Variants in CNTLN observed in about 807,000 individuals in gnomAD.
CNTLN encodes centlein.
CNTLN carries 212 observed loss-of-function variants against 180.0 expected under a neutral mutation model. That is an observed-to-expected ratio of 1.18 (90% CI 1.05 to 1.32). CNTLN has a LOEUF of 1.32. CNTLN is among the 40% of genes most tolerant of loss of function. The probability of loss-of-function intolerance (pLI) is 0.00; values close to 1 mark genes in which losing one functional copy is unlikely to be tolerated. For synonymous variants in CNTLN, 722 were observed against 563.1 expected, an observed-to-expected ratio of 1.28 and a Z score of -3.99; for missense variants, 2,095 against 1,610.9, an observed-to-expected ratio of 1.30 and a Z score of -5.14.
At chr9:17,507,427 T>G (rs894963120), downstream of CNTLN, among the ~76,000 whole-genome samples, 2 of 152,190 alleles carry the variant, frequency 1.3e-5, no homozygotes, top group African/African-American at 4.8e-5. Context: ...ATATCCTTGC[T>G]ATTGTGAAGA....
intron 2 of CNTLN, among the ~76,000 whole-genome samples, chr9:17,162,489 T>C (rs1819753346): frequency 6.6e-6 from 1 of 152,216 alleles, no homozygotes. Flanking sequence ...TTGCCTTAAG[T>C]TCCTATACTT....
At chr9:17,291,159 T>C (rs1021388767) in intron 6 of CNTLN, among the ~76,000 whole-genome samples, 11 of 152,222 alleles carry the variant, frequency 7.2e-5, no homozygotes, top group Non-Finnish European at 1.3e-4. Flanking sequence ...TGCGCTGTTT[T>C]CTGAGAGACT....
At chr9:17,299,724 A>G in intron 7 of CNTLN, 1 of 984,742 alleles carries the variant, frequency 1.0e-6, no homozygotes, top group Non-Finnish European at 1.2e-6. Flanking sequence ...TGCTAAAATG[A>G]TTTGAAACAC....
chr9:17,349,473 C>T (rs1174922824), intron 12 of CNTLN, among the ~76,000 whole-genome samples: 1 of 152,022 alleles, frequency 6.6e-6, no homozygotes, highest in Non-Finnish European at 1.5e-5. Flanking sequence ...ACTTCCAAAT[C>T]GAATTTTAAA....
chr9:17,461,076 C>T (rs919958621), intron 19 of CNTLN, among the ~76,000 whole-genome samples: 3 of 151,266 alleles, frequency 2.0e-5, no homozygotes, highest in East Asian at 3.9e-4. Flanking sequence ...GATAAGTAGA[C>T]GTTTATATCA....
At chr9:17,279,542 T>G (rs1393999876) in intron 6 of CNTLN, among the ~76,000 whole-genome samples, 1 of 152,170 alleles carries the variant, frequency 6.6e-6, no homozygotes, top group African/African-American at 2.4e-5. Context: ...CACTATAGTC[T>G]GATGCTCCAG....
At chr9:17,192,400 G>A (rs1055586976) in intron 2 of CNTLN, among the ~76,000 whole-genome samples, 6 of 151,740 alleles carry the variant, frequency 4.0e-5, no homozygotes, top group South Asian at 2.1e-4. Flanking sequence ...CACCGTGCCC[G>A]GCTAATTTTT....
At chr9:17,277,935 G>T (rs760594939) in intron 6 of CNTLN, among the ~76,000 whole-genome samples, 6 of 152,110 alleles carry the variant, frequency 3.9e-5, no homozygotes, top group Non-Finnish European at 8.8e-5. Flanking sequence ...ATAGATATTA[G>T]ATTCAGAAAA....
chr9:17,484,373 A>G lies in CNTLN; in HGVS notation c.3934A>G (p.Arg1312Gly). ...IRELKKMKKNRDACKTSTHKA... is the reference protein window; with the variant it reads ...IRELKKMKKNGDACKTSTHKA... ...AGAGCTTAAAAAAATGAAGAAAAAC[A>G]GGGACGCCTGTAAAACCTCAACCCA... Residue 1312 changes from arginine (R) to glycine (G), a missense_variant, in exon 24 of 26, where the codon AGG becomes GGG. By Grantham distance (125) the Arg-to-Gly change is moderately radical. Transcript: ENST00000380647. The G allele has an allele frequency of 6.2e-7, 1 of 1,612,648 alleles. No individual in the cohort carries two copies. Among genetic ancestry groups the G allele is most frequent in the South Asian group, 1.1e-5 (1 of 90,904 alleles).
chr9:17,159,344 C>A (rs1157025532), intron 2 of CNTLN, among the ~76,000 whole-genome samples: 1 of 152,128 alleles, frequency 6.6e-6, no homozygotes, highest in Admixed American at 6.5e-5. Context: ...CTGAGTCAGG[C>A]CTCTGGAGCT....
intron 18 of CNTLN, among the ~76,000 whole-genome samples, chr9:17,444,741 T>C (rs527813879): frequency 1.3e-5 from 2 of 152,312 alleles, no homozygotes; most frequent in African/African-American, 4.8e-5. Context: ...ACTTTATTTA[T>C]TGAGTGACCT....
chr9:17,180,477 T>C (rs1821057482), intron 2 of CNTLN, among the ~76,000 whole-genome samples: 1 of 151,340 alleles, frequency 6.6e-6, no homozygotes, highest in South Asian at 2.1e-4. Context: ...TTCTTTCCCC[T>C]ATATAATATA....
chr9:17,466,575 C>A (rs372753189), intron 22 of CNTLN, 131 bp from the exon 23 acceptor site: 2 of 677,894 alleles, frequency 3.0e-6, no homozygotes, highest in African/African-American at 1.9e-5. Flanking sequence ...TGAAAATAAT[C>A]ATTAATTTTA....
intron 18 of CNTLN, among the ~76,000 whole-genome samples, chr9:17,432,561 G>A (rs1330014321): frequency 2.0e-5 from 3 of 152,144 alleles, no homozygotes; most frequent in Non-Finnish European, 4.4e-5. Context: ...ACTCCTGAAG[G>A]ATGGGAGATT....
chr9:17,457,112 A>G (rs1831171108), intron 18 of CNTLN, among the ~76,000 whole-genome samples: 2 of 152,140 alleles, frequency 1.3e-5, no homozygotes, highest in Non-Finnish European at 1.5e-5. Context: ...ATAGGATGGT[A>G]AGACCTACCC....
chr9:17,271,230 C>T (rs372008206), intron 5 of CNTLN, among the ~76,000 whole-genome samples: 1 of 151,676 alleles, frequency 6.6e-6, no homozygotes, highest in African/African-American at 2.4e-5. Context: ...CGTGAGCCAC[C>T]GCGCCCAGCA....
intron 25 of CNTLN, among the ~76,000 whole-genome samples, chr9:17,498,076 A>G (rs999577785): frequency 6.6e-6 from 1 of 152,168 alleles, no homozygotes; most frequent in Non-Finnish European, 1.5e-5. Flanking sequence ...TACAAGAAGT[A>G]TCTTTTTGGT....
chr9:17,137,244 A>G (rs547828810), intron 1 of CNTLN, among the ~76,000 whole-genome samples: 2 of 151,984 alleles, frequency 1.3e-5, no homozygotes, highest in Non-Finnish European at 2.9e-5. Context: ...TAATATTAAT[A>G]CTCTTATATA....
At chr9:17,518,122 A>G in the CNTLN span, among the ~76,000 whole-genome samples, 23 of 127,598 alleles carry the variant, frequency 1.8e-4, no homozygotes, top group Non-Finnish European at 3.4e-4. Context: ...ATCTCGGCTC[A>G]CCGCAACCTC....
Sources: gnomAD v4.1 joint callset for allele counts (sites outside exome capture counted in the v4.1 genomes callset) on GRCh38, gnomAD v4.1.1 for gene constraint, MANE v1.5 for transcripts, NCBI Gene and HGNC (gene_info 2026-07-23, HGNC 2026-07-21) for gene names.